The following PCDHA12 variants were observed in gnomAD, a reference collection of about 807,000 sequenced individuals.
PCDHA12 encodes the protein protocadherin alpha-12.
In PCDHA12, 44 loss-of-function variants were observed where a neutral mutation model predicts 60.0. The ratio of observed to expected loss-of-function variants is 0.73; its 90% CI spans 0.58 to 0.94. PCDHA12 has a LOEUF of 0.94. Ranked by LOEUF, PCDHA12 falls within the 40% of genes least tolerant of loss-of-function variation. The probability of loss-of-function intolerance (pLI) is 0.00; values close to 1 mark genes in which losing one functional copy is unlikely to be tolerated. For synonymous variants in PCDHA12, 569 were observed against 553.0 expected (o/e 1.03, Z -0.40); for missense variants, 1,276 against 1,239.7 (o/e 1.03, Z -0.44).
chr5:140,908,276 A>T (rs1554193275), intron 1 of PCDHA12, among the ~76,000 whole-genome samples: 1 of 152,148 alleles, frequency 6.6e-6, no homozygotes, highest in Non-Finnish European at 1.5e-5. Context: ...CCATGAGGCC[A>T]TTGTTGCAAG....
At position 140,876,033 on chromosome 5, in the gene PCDHA12, T is replaced by A; in HGVS notation, c.561T>A (p.Asp187Glu). The change falls in exon 1 of 4, where the codon GAT (aspartate) becomes GAA (glutamate). Residue 187 changes from aspartate to glutamate, a missense_variant. Transcript: ENST00000398631. ...NFELKIKTKKDKSILPELVLR... is the reference protein window; with the variant it reads ...NFELKIKTKKEKSILPELVLR... ...AGCTTAAAATAAAAACAAAAAAAGA[T>A]AAAAGTATATTGCCTGAATTAGTTC... 6.2e-7 allele frequency: 1 copy of A among 1,613,668 alleles called. No individual in the cohort carries two copies. The highest frequency in any genetic ancestry group is 1.1e-5 in the South Asian group (1 of 91,054).
intron 1 of PCDHA12, among the ~76,000 whole-genome samples, chr5:140,890,919 G>A (rs181566078): frequency 3.0e-4 from 46 of 152,178 alleles, no homozygotes; most frequent in Admixed American, 9.2e-4. Flanking sequence ...TAATTTGAGA[G>A]TTTCCTTTAG....
intron 1 of PCDHA12, among the ~76,000 whole-genome samples, chr5:140,976,713 T>TA (rs1554237898): frequency 6.6e-6 from 1 of 152,216 alleles, no homozygotes; most frequent in Admixed American, 6.5e-5. Flanking sequence ...CTTTGCATTA[T>TA]AGTTCATTTA....
At chr5:140,941,063 TG>T (rs1554213711) in intron 1 of PCDHA12, among the ~76,000 whole-genome samples, 2 of 152,194 alleles carry the variant, frequency 1.3e-5, no homozygotes, top group East Asian at 3.8e-4. Context: ...AGCAGTTTTC[TG>T]GGCTGGAGAG....
Position 140,877,030 on chromosome 5 carries a change from C to G in PCDHA12, c.1558C>G (p.Leu520Val), listed in dbSNP as rs1554169262. The change falls in exon 1 of 4, where the codon CTG (leucine) becomes GTG (valine). Residue 520 changes from leucine (L) to valine (V), a missense_variant. By Grantham distance (32) the Leu-to-Val change is conservative. Transcript: ENST00000398631. ...CGCGGAGAGCGGCAAGGTGTACGCG[C>G]TGCAGCCGCTAGACCACGAGGAGCT... ...VHAESGKVYALQPLDHEELEL... is the reference protein window; with the variant it reads ...VHAESGKVYAVQPLDHEELEL... 5 of 1,612,300 alleles carry G rather than the reference C, an allele frequency of 3.1e-6. No homozygotes were observed. Among genetic ancestry groups the G allele is most frequent in the Non-Finnish European group, 3.4e-6 (4 of 1,179,822 alleles).
At chr5:140,982,367 G>A in intron 2 of PCDHA12, 108 bp from the exon 3 acceptor site, 1 of 1,544,446 alleles carries the variant, frequency 6.5e-7, no homozygotes, top group Non-Finnish European at 8.7e-7. Context: ...AGCAGAATGT[G>A]TTAGCTGCAG....
At chr5:141,000,361 GTCTCTCTC>G (rs148596731) in intron 3 of PCDHA12, among the ~76,000 whole-genome samples, 2,007 of 26,308 alleles carry the variant, frequency 0.076, 129 homozygotes, top group East Asian at 0.15. Context: ...GTCTCTCTCT[GTCTCTCTC>G]TCTCTCTCTC....
chr5:140,948,885 T>C (rs2094319889), intron 1 of PCDHA12, among the ~76,000 whole-genome samples: 1 of 151,652 alleles, frequency 6.6e-6, no homozygotes, highest in Non-Finnish European at 1.5e-5. Context: ...TTGCTCTCTT[T>C]TAGATTTTAA....
intron 1 of PCDHA12, chr5:140,929,432 T>C: frequency 1.4e-6 from 2 of 1,474,372 alleles, no homozygotes; most frequent in Non-Finnish European, 1.8e-6. Flanking sequence ...TCAATTGAAC[T>C]AAACACTCCT....
At chr5:140,907,092 G>C (rs1381969899) in intron 1 of PCDHA12, among the ~76,000 whole-genome samples, 4 of 152,262 alleles carry the variant, frequency 2.6e-5, no homozygotes, top group African/African-American at 9.6e-5. Context: ...GGTAAGTGGT[G>C]CCACTTCCAC....
chr5:140,988,560 T>C (rs1184536302), intron 3 of PCDHA12, among the ~76,000 whole-genome samples: 3 of 152,138 alleles, frequency 2.0e-5, no homozygotes, highest in Admixed American at 2.0e-4. Context: ...CATCTTCTTC[T>C]TGGGAAAACA....
chr5:140,952,471 A>AAAGT (rs1205705150), intron 1 of PCDHA12, among the ~76,000 whole-genome samples: 2 of 152,204 alleles, frequency 1.3e-5, no homozygotes, highest in Non-Finnish European at 2.9e-5. Context: ...AAGCATAAGG[A>AAAGT]AAGTGACATT....
At chr5:140,981,049 T>C (rs2096916420) in intron 2 of PCDHA12, among the ~76,000 whole-genome samples, 1 of 152,158 alleles carries the variant, frequency 6.6e-6, no homozygotes. Context: ...AAACAGATAA[T>C]TCTAGAGTGT....
chr5:140,877,201 G>T lies in PCDHA12; in HGVS notation c.1729G>T (p.Val577Phe). ...TCCGGCTGGCAGCGCAGGAGGCGCA[G>T]TTAGCGAGTTGGTACCGCGGTCGGT... is the stretch of plus-strand genomic sequence containing the variant. ...ATPAGSAGGA[V>F]SELVPRSVGA... is the part of the protein sequence containing the mutation. Residue 577 changes from valine to phenylalanine, a missense_variant, in exon 1 of 4, where the codon GTT (valine) becomes TTT (phenylalanine). Transcript: ENST00000398631. 6.2e-7 allele frequency: 1 copy of T among 1,613,830 alleles called. No homozygotes were observed. The highest frequency in any genetic ancestry group is 1.1e-5 in the South Asian group (1 of 91,066).
chr5:140,884,176 T>G, intron 1 of PCDHA12: 1 of 1,613,372 alleles, frequency 6.2e-7, no homozygotes, highest in Non-Finnish European at 8.5e-7. Flanking sequence ...CGACGCGCCC[T>G]CTGGACGAGG....
At chr5:140,922,016 AT>A (rs1213488839) in intron 1 of PCDHA12, among the ~76,000 whole-genome samples, 20 of 152,076 alleles carry the variant, frequency 1.3e-4, no homozygotes, top group Admixed American at 1.2e-3. Flanking sequence ...GTTTAAAAAA[AT>A]AAATATAAAA....
intron 1 of PCDHA12, chr5:140,884,030 G>A: frequency 6.2e-7 from 1 of 1,613,438 alleles, no homozygotes; most frequent in Non-Finnish European, 8.5e-7. Flanking sequence ...GGTGGGTGCA[G>A]GCCACGTGGT....
intron 3 of PCDHA12, among the ~76,000 whole-genome samples, chr5:140,986,867 C>A (rs1238623584): frequency 6.6e-6 from 1 of 152,140 alleles, no homozygotes; most frequent in Non-Finnish European, 1.5e-5. Flanking sequence ...TACCCGGAAA[C>A]TTGTTAGAAA....
intron 1 of PCDHA12, among the ~76,000 whole-genome samples, chr5:140,908,772 A>G (rs2074146123): frequency 6.6e-6 from 1 of 152,144 alleles, no homozygotes; most frequent in East Asian, 1.9e-4. Flanking sequence ...CGTGTTGTAG[A>G]GTCTTCTCCT....
Sources: allele counts gnomAD v4.1 joint callset (sites outside exome capture counted in the v4.1 genomes callset), GRCh38; gene constraint gnomAD v4.1.1; transcripts MANE v1.5; gene names NCBI Gene and HGNC (gene_info 2026-07-23, HGNC 2026-07-21).